Variants in FOXP2 observed in about 807,000 individuals in gnomAD.
FOXP2 encodes the protein forkhead box P2, also known as forkhead box protein P2.
Under a neutral mutation model 115.8 loss-of-function variants are expected in FOXP2, and 12 were observed. That is an observed-to-expected ratio of 0.10 (90% CI 0.07 to 0.17). The LOEUF (loss-of-function observed/expected upper bound fraction) is 0.17, where lower values mean the gene tolerates loss of function less well. FOXP2 is among the 10% of genes least tolerant of loss of function. FOXP2 has a pLI of 1.00. For synonymous variants in FOXP2, 328 were observed against 297.7 expected (o/e 1.10, Z -1.05); for missense variants, 629 against 843.5 (o/e 0.75, Z 3.15).
At chr7:114,427,679 C>T (rs1397263094) in intron 2 of FOXP2, among the ~76,000 whole-genome samples, 4 of 151,460 alleles carry the variant, frequency 2.6e-5, no homozygotes, top group African/African-American at 9.7e-5. Context: ...AAATAATTCA[C>T]ATTTTAAGGT....
intron 3 of FOXP2, among the ~76,000 whole-genome samples, chr7:114,622,073 T>C (rs1804285257): frequency 6.6e-6 from 1 of 152,022 alleles, no homozygotes; most frequent in East Asian, 1.9e-4. Context: ...TTTCAGTAGA[T>C]CTGCTGTTAG....
intron 7 of FOXP2, among the ~76,000 whole-genome samples, chr7:114,644,118 A>T (rs562926042): frequency 6.6e-6 from 1 of 152,230 alleles, no homozygotes; most frequent in East Asian, 1.9e-4. Flanking sequence ...TTTCTCTGGG[A>T]TCTCTCTAAT....
At chr7:114,154,681 T>A (rs1237506109) in intron 1 of FOXP2, among the ~76,000 whole-genome samples, 1 of 152,120 alleles carries the variant, frequency 6.6e-6, no homozygotes, top group Admixed American at 6.6e-5. Flanking sequence ...ATATATTATT[T>A]AATGGAAATT....
chr7:114,648,880 AT>A (rs1441403579), intron 8 of FOXP2, among the ~76,000 whole-genome samples: 13 of 151,842 alleles, frequency 8.6e-5, no homozygotes, highest in African/African-American at 3.1e-4. Flanking sequence ...CACCCTTTGC[AT>A]TTTTTCTTCA....
At chr7:114,270,827 A>G (rs1796016003) in intron 1 of FOXP2, among the ~76,000 whole-genome samples, 1 of 152,018 alleles carries the variant, frequency 6.6e-6, no homozygotes, top group Non-Finnish European at 1.5e-5. Context: ...AATGAAGTCC[A>G]CTTTATCAGT....
intron 2 of FOXP2, among the ~76,000 whole-genome samples, chr7:114,494,960 A>G (rs965183245): frequency 2.6e-5 from 4 of 152,210 alleles, no homozygotes; most frequent in African/African-American, 9.7e-5. Flanking sequence ...CATTCTAATA[A>G]TGACAGGTGG....
Position 114,389,342 on chromosome 7 carries a change from G to A in FOXP2, c.-10-37160G>A, listed in dbSNP as rs372073791. Among the ~76,000 whole-genome samples the A allele has an allele frequency of 1.6e-4, 24 of 152,288 alleles. No homozygotes were observed. In the South Asian group the frequency reaches 1.9e-3, roughly 12 times the overall value. On this transcript the variant is annotated intron_variant, in intron 2 of 17. Transcript: ENST00000634411. ...GTTTACTTTTCTTAACAAGATTCTA[G>A]GTGAGGATTGGAACCCAAACATGTG...
Position 114,612,348 on chromosome 7 carries a change from C to T in FOXP2, c.259-16192C>T, listed in dbSNP as rs144330014. Among the ~76,000 whole-genome samples the T allele has an allele frequency of 7.4e-3, 866 of 117,272 alleles. 7 individuals carry two copies. The highest frequency in any genetic ancestry group is 0.031 in the African/African-American group (802 of 25,960). The allele number at this position is 117,272 out of a possible 152,430, so 76.9% of individuals were successfully genotyped here. A position where few individuals can be genotyped will look rare whatever the true frequency, so the allele number is the denominator to read the frequency against. On this transcript the variant is annotated intron_variant, in intron 3 of 16. Coordinates refer to ENST00000350908, the MANE Select transcript of FOXP2 (RefSeq NM_014491.4). ...TAATGTCACCCTTCATATATTCCAA[C>T]TACATATATATGTATATATATACTA...
rs184173807 is a variant in FOXP2, at chr7:114,467,309, T to G, written c.168+40630T>G. ...TCATTTTAAATATCTGGCTTTGAAT[T>G]TTCATATAAAAATATAAGCACCATT... is the stretch of plus-strand genomic sequence containing the variant. On this transcript the variant is annotated intron_variant, in intron 2 of 16. Coordinates refer to ENST00000350908, the MANE Select transcript of FOXP2 (RefSeq NM_014491.4). Among the ~76,000 whole-genome samples the G allele has an allele frequency of 5.3e-5, 8 of 152,308 alleles. No individual in the cohort carries two copies. In the East Asian group the frequency reaches 1.3e-3, roughly 26 times the overall value.
At chr7:114,376,707 T>C (rs987758098) in intron 2 of FOXP2, among the ~76,000 whole-genome samples, 2 of 152,112 alleles carry the variant, frequency 1.3e-5, no homozygotes, top group African/African-American at 2.4e-5. Flanking sequence ...AAATCAGAGA[T>C]TCCATTCGGA....
intron 1 of FOXP2, among the ~76,000 whole-genome samples, chr7:114,089,794 C>T (rs1170683211): frequency 2.6e-5 from 4 of 151,862 alleles, no homozygotes; most frequent in Non-Finnish European, 4.4e-5. Flanking sequence ...GTTATATTTC[C>T]TTTGTACAAA....
chr7:114,305,205 A>G (rs1796985115), intron 2 of FOXP2, among the ~76,000 whole-genome samples: 1 of 152,166 alleles, frequency 6.6e-6, no homozygotes, highest in Non-Finnish European at 1.5e-5. Flanking sequence ...CCTGGAGTGC[A>G]CTGCGTTTCA....
At chr7:114,141,308 T>C (rs1792201881) in intron 1 of FOXP2, among the ~76,000 whole-genome samples, 1 of 152,082 alleles carries the variant, frequency 6.6e-6, no homozygotes, top group Non-Finnish European at 1.5e-5. Flanking sequence ...GCCACATTAA[T>C]TGTGGAAATC....
chr7:114,273,514 G>A (rs959240862), intron 1 of FOXP2, among the ~76,000 whole-genome samples: 1 of 152,038 alleles, frequency 6.6e-6, no homozygotes, highest in Non-Finnish European at 1.5e-5. Context: ...TTTTCTGCCT[G>A]ATAGATCTGC....
At chr7:114,416,942 C>T (rs886914737) in intron 1 of FOXP2, among the ~76,000 whole-genome samples, 2 of 151,542 alleles carry the variant, frequency 1.3e-5, no homozygotes, top group Non-Finnish European at 2.9e-5. Flanking sequence ...AATATGCTCA[C>T]GTTTTATTTT....
intron 3 of FOXP2, chr7:114,570,830 A>C: frequency 1.2e-6 from 2 of 1,611,942 alleles, no homozygotes; most frequent in South Asian, 1.1e-5. Flanking sequence ...AAACAAAATT[A>C]TGTATCTGTG....
rs548127346 is a variant in FOXP2, at chr7:114,585,377, C to T, written c.259-43163C>T. On this transcript the variant is annotated intron_variant, in intron 3 of 16. Transcript: ENST00000350908. ...CTGATTATTAGTAAAAATTAGAAAC[C>T]ACTTATTCCAAAGCCTCTTTAAACA... is the stretch of plus-strand genomic sequence containing the variant. Among the ~76,000 whole-genome samples the T allele has an allele frequency of 3.9e-5, 6 of 152,066 alleles. No homozygotes were observed. In the South Asian group the frequency reaches 1.2e-3, roughly 32 times the overall value.
chr7:114,338,109 T>C (rs1290990937), intron 2 of FOXP2, among the ~76,000 whole-genome samples: 4 of 151,134 alleles, frequency 2.6e-5, no homozygotes, highest in Non-Finnish European at 4.5e-5. Flanking sequence ...TTTTAAAAGG[T>C]AGATCACTTA....
chr7:114,462,319 G>A (rs1473455364), intron 2 of FOXP2, among the ~76,000 whole-genome samples: 1 of 134,174 alleles, frequency 7.5e-6, no homozygotes, highest in Non-Finnish European at 1.6e-5. Context: ...AAACACTAAA[G>A]GACAGAAATA....
Sources: allele counts gnomAD v4.1 joint callset (sites outside exome capture counted in the v4.1 genomes callset), GRCh38; gene constraint gnomAD v4.1.1; transcripts MANE v1.5; gene names NCBI Gene and HGNC (gene_info 2026-07-23, HGNC 2026-07-21).